ANKS1B: variants seen among roughly 807,000 people sequenced by gnomAD.
ANKS1B encodes ankyrin repeat and sterile alpha motif domain-containing protein 1B.
ANKS1B carries 36 observed loss-of-function variants against 148.3 expected under a neutral mutation model. The ratio of observed to expected loss-of-function variants is 0.24; its 90% CI spans 0.19 to 0.32. The LOEUF is 0.32. Among genes scored for constraint, ANKS1B ranks in the 10% least tolerant of loss-of-function variants. The pLI is 1.00. For missense variants in ANKS1B, 1,157 were observed against 1,542.6 expected, an observed-to-expected ratio of 0.75 and a Z score of 4.19; for synonymous variants, 542 against 560.8, an observed-to-expected ratio of 0.97 and a Z score of 0.47.
rs183157634 is a variant in ANKS1B at position 98,856,378 on chromosome 12, C to T, written c.2779-24242G>A. ...TTTGAGGCAGACCTAGGTTTGAATCCTAGCTCTAATATGTACAGGTTGAAT... is the reference window on the plus strand; with the variant it reads ...TTTGAGGCAGACCTAGGTTTGAATCTTAGCTCTAATATGTACAGGTTGAAT... On this transcript the variant is annotated intron_variant, in intron 17 of 26. Transcript: ENST00000683438. 1.9e-3 allele frequency among the ~76,000 whole-genome samples: 286 copies of T among 152,200 alleles called. 1 individual carries two copies. Among genetic ancestry groups the T allele is most frequent in the African/African-American group, 6.5e-3 (272 of 41,536 alleles).
intron 9 of ANKS1B, among the ~76,000 whole-genome samples, chr12:99,590,252 A>ACCCC (rs774301440): frequency 2.3e-5 from 3 of 127,856 alleles, no homozygotes; most frequent in Admixed American, 7.7e-5. Context: ...TCACACCCAC[A>ACCCC]CCCACCCACA....
chr12:99,491,039 T>C (rs1277694582), intron 10 of ANKS1B, among the ~76,000 whole-genome samples: 1 of 152,196 alleles, frequency 6.6e-6, no homozygotes, highest in Non-Finnish European at 1.5e-5. Flanking sequence ...AGCTTAAGGC[T>C]GGGCGTAGTG....
chr12:99,830,502 C>T (rs1020468245), intron 1 of ANKS1B, among the ~76,000 whole-genome samples: 4 of 151,672 alleles, frequency 2.6e-5, no homozygotes, highest in African/African-American at 7.3e-5. Flanking sequence ...TACATACTAC[C>T]AATTATGAAA....
chr12:99,178,069 G>A (rs1399214242), intron 14 of ANKS1B, among the ~76,000 whole-genome samples: 1 of 152,002 alleles, frequency 6.6e-6, no homozygotes, highest in Non-Finnish European at 1.5e-5. Flanking sequence ...ATTATCTTCT[G>A]CTCATCACTT....
intron 16 of ANKS1B, among the ~76,000 whole-genome samples, chr12:99,068,042 A>G (rs1004501865): frequency 6.6e-6 from 1 of 152,132 alleles, no homozygotes; most frequent in African/African-American, 2.4e-5. Context: ...ATTTAATTCA[A>G]TAAGAATTTT....
chr12:99,411,952 G>A (rs974305481), intron 11 of ANKS1B, among the ~76,000 whole-genome samples: 1 of 152,146 alleles, frequency 6.6e-6, no homozygotes, highest in Non-Finnish European at 1.5e-5. Flanking sequence ...TCAGCTGTGT[G>A]GTCAGGCGCT....
intron 9 of ANKS1B, among the ~76,000 whole-genome samples, chr12:99,506,312 A>T (rs2096711522): frequency 6.6e-6 from 1 of 151,988 alleles, no homozygotes; most frequent in African/African-American, 2.4e-5. Context: ...TTTAGTACGA[A>T]TTCCTAGTTT....
intron 9 of ANKS1B, among the ~76,000 whole-genome samples, chr12:99,618,696 G>C (rs1247442350): frequency 6.6e-6 from 1 of 151,998 alleles, no homozygotes; most frequent in Non-Finnish European, 1.5e-5. Flanking sequence ...GAAATAACTT[G>C]GGAAGGGGCT....
intron 17 of ANKS1B, among the ~76,000 whole-genome samples, chr12:98,967,556 A>G (rs1349466993): frequency 1.4e-5 from 2 of 147,856 alleles, no homozygotes; most frequent in African/African-American, 5.0e-5. Flanking sequence ...TACCCTGGCC[A>G]GTGGTTTTCC....
intron 2 of ANKS1B, among the ~76,000 whole-genome samples, chr12:99,819,496 T>C (rs2153675981): frequency 1.3e-5 from 2 of 151,912 alleles, no homozygotes; most frequent in South Asian, 2.1e-4. Context: ...TGATACGCAA[T>C]CTGGATTACA....
intron 9 of ANKS1B, among the ~76,000 whole-genome samples, chr12:99,628,749 G>C (rs1488733756): frequency 6.6e-6 from 1 of 152,112 alleles, no homozygotes; most frequent in Non-Finnish European, 1.5e-5. Flanking sequence ...GTTATCCCAT[G>C]GTGGAAAGCA....
At chr12:99,420,423 G>A (rs10777984) in intron 11 of ANKS1B, among the ~76,000 whole-genome samples, 68,104 of 151,966 alleles carry the variant, frequency 0.45, 16,067 homozygotes, top group African/African-American at 0.6. Context: ...ATTTAAGATG[G>A]TGTGAAGTTT....
At chr12:99,451,054 C>T (rs2095724859) in intron 10 of ANKS1B, among the ~76,000 whole-genome samples, 1 of 152,160 alleles carries the variant, frequency 6.6e-6, no homozygotes, top group Admixed American at 6.5e-5. Flanking sequence ...CTACATTTCA[C>T]ATATGCAGTT....
At chr12:99,115,697 G>A (rs901238756) in intron 15 of ANKS1B, among the ~76,000 whole-genome samples, 24 of 152,110 alleles carry the variant, frequency 1.6e-4, no homozygotes, top group African/African-American at 5.8e-4. Context: ...TTGGGAGGCT[G>A]AGGTGGGTGG....
At chr12:99,246,901 G>T in intron 12 of ANKS1B, 37 bp from the exon 13 acceptor site, 1 of 1,491,684 alleles carries the variant, frequency 6.7e-7, no homozygotes, top group Non-Finnish European at 8.9e-7. Flanking sequence ...GGTTTATAAA[G>T]GTTCTGAAAG....
rs369571107 is a variant in ANKS1B at position 99,755,594 on chromosome 12, C to CA, written c.1128+17327dup. Among the ~76,000 whole-genome samples, 348 of 123,250 alleles carry CA rather than the reference C, an allele frequency of 2.8e-3. 2 individuals are homozygous for CA. Among genetic ancestry groups the CA allele is most frequent in the Middle Eastern group, 4.4e-3 (1 of 226 alleles). 80.9% of individuals were successfully genotyped at this position (123,250 alleles called of 152,430 possible). A position where few individuals can be genotyped will look rare whatever the true frequency, so the allele number is the denominator to read the frequency against. ...TCAGGAAAATGGATGCAAAAATCCT[C>CA]AAAAAAAAAAAAAAAAAAACTGACA... is the stretch of plus-strand genomic sequence containing the variant. On this transcript the variant is annotated intron_variant, in intron 8 of 26. Transcript: ENST00000683438.
chr12:99,788,745 G>A (rs1305149141), intron 4 of ANKS1B, among the ~76,000 whole-genome samples: 5 of 151,988 alleles, frequency 3.3e-5, no homozygotes, highest in Admixed American at 3.3e-4. Context: ...GCCCTATAGG[G>A]TGAGTCTGAG....
chr12:99,229,697 A>G lies in ANKS1B; in HGVS notation c.2419+14645T>C, dbSNP rs1258512914. 2.6e-5 allele frequency among the ~76,000 whole-genome samples: 4 copies of G among 152,068 alleles called. No homozygotes were observed. The South Asian group carries it at 6.2e-4, about 24-fold the overall frequency. Reference sequence around the variant, plus strand: ...TTATGATGATCTATGACTTATAAAAATCTACTATTTATCTTACAAATTACT... The same window carrying G: ...TTATGATGATCTATGACTTATAAAAGTCTACTATTTATCTTACAAATTACT... On this transcript the variant is annotated intron_variant, in intron 14 of 26. Coordinates refer to ENST00000683438, the MANE Select transcript of ANKS1B (RefSeq NM_001352186.2).
At chr12:99,291,230 T>C (rs996187812) in intron 12 of ANKS1B, among the ~76,000 whole-genome samples, 1 of 152,108 alleles carries the variant, frequency 6.6e-6, no homozygotes, top group Non-Finnish European at 1.5e-5. Flanking sequence ...AAGAACTTGA[T>C]TGAAGAGGAC....
Sources: gnomAD v4.1 joint callset for allele counts (sites outside exome capture counted in the v4.1 genomes callset) on GRCh38, gnomAD v4.1.1 for gene constraint, MANE v1.5 for transcripts, NCBI Gene and HGNC (gene_info 2026-07-23, HGNC 2026-07-21) for gene names.